RAD51B: variants seen among roughly 807,000 people sequenced by gnomAD.
The protein encoded by RAD51B is RAD51 paralog B.
In RAD51B, 38 loss-of-function variants were observed where a neutral mutation model predicts 42.2. The observed-to-expected ratio is 0.90, with a 90% CI of 0.70 to 1.18. The LOEUF (loss-of-function observed/expected upper bound fraction) is 1.18, where lower values mean the gene tolerates loss of function less well. Among genes scored for constraint, RAD51B ranks in the 50% most tolerant of loss-of-function variants. The pLI, the probability that RAD51B is intolerant of heterozygous loss-of-function variation, is 0.00. For synonymous variants in RAD51B, 154 were observed against 145.2 expected, an observed-to-expected ratio of 1.06 and a Z score of -0.43; for missense variants, 373 against 400.7, an observed-to-expected ratio of 0.93 and a Z score of 0.59.
chr14:68,640,238 C>G (rs768928206), intron 10 of RAD51B, among the ~76,000 whole-genome samples: 1 of 152,196 alleles, frequency 6.6e-6, no homozygotes, highest in Non-Finnish European at 1.5e-5. Context: ...CACCCCTTTC[C>G]AGGGACTCTC....
At chr14:68,563,407 A>G (rs1889254371) in intron 10 of RAD51B, 1 of 985,384 alleles carries the variant, frequency 1.0e-6, no homozygotes, top group African/African-American at 1.7e-5. Flanking sequence ...CCCCAAGTCC[A>G]GAGCCCAGTT....
chr14:67,866,840 A>G (rs960406371), intron 5 of RAD51B, among the ~76,000 whole-genome samples: 4 of 152,158 alleles, frequency 2.6e-5, no homozygotes, highest in Non-Finnish European at 5.9e-5. Context: ...TTTTCTGCCA[A>G]TGTGCATGTT....
chr14:68,219,332 C>T (rs746139595), intron 7 of RAD51B, among the ~76,000 whole-genome samples: 1 of 152,174 alleles, frequency 6.6e-6, no homozygotes, highest in Admixed American at 6.5e-5. Context: ...TGCATCCTCT[C>T]TATAGGATTA....
At chr14:68,520,903 G>C (rs1886530628) in intron 10 of RAD51B, among the ~76,000 whole-genome samples, 1 of 152,234 alleles carries the variant, frequency 6.6e-6, no homozygotes, top group African/African-American at 2.4e-5. Flanking sequence ...CAATAGTCCT[G>C]AAAGGTTGAC....
rs78773343 is a variant in RAD51B, at chr14:67,859,258, A to G, written c.316-5745A>G. The stretch of plus-strand genomic sequence containing the variant: ...AGTTAGGTGGATTTATGGATTTAAC[A>G]AAATCAAAGTTCACAAAACAGATAA... On this transcript the variant is annotated intron_variant, in intron 4 of 10. Transcript: ENST00000471583. 9.0e-3 allele frequency among the ~76,000 whole-genome samples: 1,369 copies of G among 152,332 alleles called. 21 individuals carry two copies. Among genetic ancestry groups the G allele is most frequent in the African/African-American group, 0.031 (1,294 of 41,572 alleles).
intron 7 of RAD51B, among the ~76,000 whole-genome samples, chr14:68,042,375 A>T (rs2076231514): frequency 6.6e-6 from 1 of 152,208 alleles, no homozygotes; most frequent in Non-Finnish European, 1.5e-5. Context: ...CATTTGAATT[A>T]CAGGAGGTAC....
At chr14:68,314,131 T>G (rs2082012747) in intron 8 of RAD51B, among the ~76,000 whole-genome samples, 1 of 152,162 alleles carries the variant, frequency 6.6e-6, no homozygotes, top group African/African-American at 2.4e-5. Flanking sequence ...CATTCTCTCT[T>G]CAGAGAAGCA....
At chr14:68,412,321 T>C (rs1045731389) in intron 9 of RAD51B, among the ~76,000 whole-genome samples, 2 of 151,992 alleles carry the variant, frequency 1.3e-5, no homozygotes, top group Non-Finnish European at 2.9e-5. Flanking sequence ...AGAAGACGGG[T>C]GATTATTTTG....
At chr14:67,831,851 C>T (rs1273523105) in intron 3 of RAD51B, among the ~76,000 whole-genome samples, 1 of 151,644 alleles carries the variant, frequency 6.6e-6, no homozygotes, top group Admixed American at 6.6e-5. Context: ...GCTGATTATT[C>T]TTTTTTTGAC....
At chr14:68,581,443 G>C (rs1442934793) in intron 10 of RAD51B, among the ~76,000 whole-genome samples, 4 of 152,098 alleles carry the variant, frequency 2.6e-5, no homozygotes, top group African/African-American at 9.7e-5. Context: ...CATTTTCACT[G>C]GTATTTCCAG....
chr14:67,879,944 A>AT (rs897160668), intron 5 of RAD51B, among the ~76,000 whole-genome samples: 2 of 152,142 alleles, frequency 1.3e-5, no homozygotes, highest in African/African-American at 2.4e-5. Flanking sequence ...ATATTATTGC[A>AT]TTTTTTCTAC....
At chr14:68,583,157 A>T (rs1176797668) in intron 10 of RAD51B, among the ~76,000 whole-genome samples, 2 of 151,980 alleles carry the variant, frequency 1.3e-5, no homozygotes, top group South Asian at 2.1e-4. Flanking sequence ...AATAAAAAAT[A>T]AAAAAAATTT....
At chr14:68,483,864 T>C (rs1883396769) in intron 10 of RAD51B, among the ~76,000 whole-genome samples, 1 of 152,212 alleles carries the variant, frequency 6.6e-6, no homozygotes, top group African/African-American at 2.4e-5. Context: ...CTTTTGGTTT[T>C]CCTTCCAGTT....
chr14:68,187,895 A>T (rs1247147712), intron 7 of RAD51B, among the ~76,000 whole-genome samples: 1 of 152,012 alleles, frequency 6.6e-6, no homozygotes. Flanking sequence ...GCTCACTGCA[A>T]CCTCCACCTC....
At chr14:68,291,824 T>C in intron 7 of RAD51B, 60 bp from the exon 8 acceptor site, 1 of 1,291,584 alleles carries the variant, frequency 7.7e-7, no homozygotes, top group Non-Finnish European at 1.1e-6. Context: ...AATAATTAAT[T>C]TGGTCTTCCC....
chr14:68,593,322 G>A (rs1039615022), intron 10 of RAD51B, among the ~76,000 whole-genome samples: 17 of 152,238 alleles, frequency 1.1e-4, no homozygotes, highest in African/African-American at 4.1e-4. Context: ...TAATATGTGA[G>A]AGGCTCTTGG....
chr14:68,120,581 TC>T (rs1566660189), intron 7 of RAD51B, among the ~76,000 whole-genome samples: 1 of 152,210 alleles, frequency 6.6e-6, no homozygotes, highest in Non-Finnish European at 1.5e-5. Flanking sequence ...GCCTTTTTTT[TC>T]CTGATATATT....
chr14:68,271,789 G>A (rs2081109304), intron 7 of RAD51B, among the ~76,000 whole-genome samples: 2 of 152,122 alleles, frequency 1.3e-5, no homozygotes, highest in Non-Finnish European at 2.9e-5. Flanking sequence ...TGAAGATGAC[G>A]ATGATGATAA....
At chr14:68,213,796 G>A (rs553279761) in intron 7 of RAD51B, among the ~76,000 whole-genome samples, 1 of 152,230 alleles carries the variant, frequency 6.6e-6, no homozygotes, top group East Asian at 1.9e-4. Flanking sequence ...TACATCCTAA[G>A]AGGAAAAACG....
Sources: gnomAD v4.1 joint callset for allele counts (sites outside exome capture counted in the v4.1 genomes callset) on GRCh38, gnomAD v4.1.1 for gene constraint, MANE v1.5 for transcripts, NCBI Gene and HGNC (gene_info 2026-07-23, HGNC 2026-07-21) for gene names.